The following PLXDC2 variants were observed in gnomAD, a reference collection of about 807,000 sequenced individuals.
The protein encoded by PLXDC2 is plexin domain containing 2, also known as plexin domain-containing protein 2.
Under a neutral mutation model 68.9 loss-of-function variants are expected in PLXDC2, and 40 were observed. The ratio of observed to expected loss-of-function variants is 0.58; its 90% CI spans 0.45 to 0.76. The LOEUF (loss-of-function observed/expected upper bound fraction) is 0.76. Among genes scored for constraint, PLXDC2 ranks in the 30% least tolerant of loss-of-function variants. The pLI, the probability that PLXDC2 is intolerant of heterozygous loss-of-function variation, is 0.00. For synonymous variants in PLXDC2, 243 were observed against 234.2 expected (o/e 1.04, Z -0.34); for missense variants, 644 against 661.9 (o/e 0.97, Z 0.30).
intron 1 of PLXDC2, among the ~76,000 whole-genome samples, chr10:19,854,577 A>T (rs1055894964): frequency 6.6e-6 from 1 of 152,230 alleles, no homozygotes; most frequent in Non-Finnish European, 1.5e-5. Flanking sequence ...AGAAATGTTC[A>T]TGTAGACGCA....
intron 1 of PLXDC2, among the ~76,000 whole-genome samples, chr10:19,905,451 A>G (rs760380441): frequency 2.6e-5 from 4 of 152,162 alleles, no homozygotes; most frequent in Non-Finnish European, 5.9e-5. Context: ...TAAGCAATTA[A>G]AGGTTGTTTT....
intron 4 of PLXDC2, among the ~76,000 whole-genome samples, chr10:20,072,036 T>C (rs1417054061): frequency 6.6e-6 from 1 of 151,982 alleles, no homozygotes; most frequent in African/African-American, 2.4e-5. Flanking sequence ...GGGAAGAATG[T>C]TGTGGAGTAC....
At chr10:20,189,813 C>A (rs1834740752) in intron 9 of PLXDC2, among the ~76,000 whole-genome samples, 1 of 151,384 alleles carries the variant, frequency 6.6e-6, no homozygotes, top group Non-Finnish European at 1.5e-5. Context: ...TATTAATAAT[C>A]TATTTTGCAT....
chr10:20,085,209 T>TAAA (rs10633088), intron 4 of PLXDC2, among the ~76,000 whole-genome samples: 1 of 148,760 alleles, frequency 6.7e-6, no homozygotes. Context: ...GGTTTTTTGT[T>TAAA]AAAAAAAAAA....
intron 1 of PLXDC2, among the ~76,000 whole-genome samples, chr10:19,832,319 A>G (rs755397050): frequency 3.3e-5 from 5 of 152,240 alleles, no homozygotes; most frequent in Non-Finnish European, 4.4e-5. Flanking sequence ...TGACTCATTT[A>G]TCTTTCCATT....
At chr10:19,967,621 A>G (rs983441312) in intron 1 of PLXDC2, among the ~76,000 whole-genome samples, 4 of 152,338 alleles carry the variant, frequency 2.6e-5, no homozygotes, top group African/African-American at 9.6e-5. Flanking sequence ...ATCAGACCTT[A>G]CCACTTAAAA....
intron 2 of PLXDC2, among the ~76,000 whole-genome samples, chr10:20,038,430 A>G (rs1225551107): frequency 6.6e-6 from 1 of 152,134 alleles, no homozygotes; most frequent in African/African-American, 2.4e-5. Flanking sequence ...GAGCTGGTGC[A>G]ATAATCTGAT....
chr10:19,921,112 CTTTT>C (rs57207021), intron 1 of PLXDC2, among the ~76,000 whole-genome samples: 9 of 137,548 alleles, frequency 6.5e-5, no homozygotes, highest in East Asian at 2.1e-4. Context: ...TTTTCTTCTT[CTTTT>C]TTTTTTTTTT....
intron 13 of PLXDC2, among the ~76,000 whole-genome samples, chr10:20,246,632 G>A (rs1341490251): frequency 2.0e-5 from 3 of 152,190 alleles, no homozygotes; most frequent in Non-Finnish European, 2.9e-5. Context: ...TTACAGGTGT[G>A]AGCCATCGTG....
At chr10:20,064,679 C>G (rs1312573626) in intron 3 of PLXDC2, among the ~76,000 whole-genome samples, 2 of 152,122 alleles carry the variant, frequency 1.3e-5, no homozygotes, top group Non-Finnish European at 1.5e-5. Context: ...TTCCTGCATT[C>G]ATAATCTCAA....
chr10:20,275,701 T>C (rs903843737), intron 13 of PLXDC2, among the ~76,000 whole-genome samples: 1 of 151,990 alleles, frequency 6.6e-6, no homozygotes, highest in Non-Finnish European at 1.5e-5. Context: ...TCATTTGAGG[T>C]CAGGAGTTCA....
chr10:20,245,291 T>G lies in PLXDC2; in HGVS notation c.1313-54T>G, dbSNP rs1835576880. 2.0e-6 allele frequency: 3 copies of G among 1,527,414 alleles called. No homozygotes were observed. The South Asian group carries it at 4.0e-5, about 20-fold the overall frequency. 94.6% of individuals were successfully genotyped at this position (1,527,414 alleles called of 1,614,324 possible). The stretch of plus-strand genomic sequence containing the variant: ...ACACAAATATCTCCTCAGATGAAAA[T>G]GCAAACTTGAGGGTAAACTCATGAA... On this transcript the variant is annotated intron_variant, in intron 12 of 13. Transcript: ENST00000377252.
chr10:19,830,075 A>T lies in PLXDC2; in HGVS notation c.112+12884A>T, dbSNP rs563669484. ...AATTTGCTTCTCTGGAGAGAATTCC[A>T]TAGTTAAAAATGATATATGGGTAAA... is the stretch of plus-strand genomic sequence containing the variant. On this transcript the variant is annotated intron_variant, in intron 1 of 13. Coordinates refer to ENST00000377252, the MANE Select transcript of PLXDC2 (RefSeq NM_032812.9). Among the ~76,000 whole-genome samples, 9 of 152,338 alleles carry T rather than the reference A, an allele frequency of 5.9e-5. No individual in the cohort carries two copies. The South Asian group carries it at 1.4e-3, about 25-fold the overall frequency.
chr10:20,125,623 A>G (rs1257480516), intron 4 of PLXDC2, among the ~76,000 whole-genome samples: 3 of 152,218 alleles, frequency 2.0e-5, no homozygotes, highest in African/African-American at 7.2e-5. Flanking sequence ...AAAGAGAGGA[A>G]TCAATGCAGC....
chr10:19,883,188 T>C (rs1472732249), intron 1 of PLXDC2, among the ~76,000 whole-genome samples: 1 of 152,074 alleles, frequency 6.6e-6, no homozygotes, highest in Non-Finnish European at 1.5e-5. Context: ...GGTCTCGATC[T>C]CCTGACCTCA....
At chr10:19,910,056 T>C (rs1589531377) in intron 1 of PLXDC2, among the ~76,000 whole-genome samples, 1 of 152,118 alleles carries the variant, frequency 6.6e-6, no homozygotes, top group Non-Finnish European at 1.5e-5. Flanking sequence ...AAAGCCTGAG[T>C]GGTCCAGGGT....
intron 5 of PLXDC2, among the ~76,000 whole-genome samples, chr10:20,146,488 T>C (rs139540364): frequency 4.9e-5 from 4 of 81,410 alleles, no homozygotes; most frequent in Admixed American, 1.7e-4. Flanking sequence ...TTCTTTTCTT[T>C]TTCCTTCCTT....
chr10:19,880,271 C>T (rs942660760), intron 1 of PLXDC2, among the ~76,000 whole-genome samples: 4 of 152,196 alleles, frequency 2.6e-5, no homozygotes, highest in African/African-American at 9.6e-5. Flanking sequence ...GTAGTCCTCC[C>T]TAATCCATGG....
At chr10:19,872,126 A>T (rs1336842905) in intron 1 of PLXDC2, among the ~76,000 whole-genome samples, 1 of 152,210 alleles carries the variant, frequency 6.6e-6, no homozygotes, top group Non-Finnish European at 1.5e-5. Flanking sequence ...TTTCTTCAGA[A>T]AATCCAACAG....
Sources: allele counts gnomAD v4.1 joint callset (sites outside exome capture counted in the v4.1 genomes callset), GRCh38; gene constraint gnomAD v4.1.1; transcripts MANE v1.5; gene names NCBI Gene and HGNC (gene_info 2026-07-23, HGNC 2026-07-21).